Variants in FCHSD2 observed in about 807,000 individuals in gnomAD.
FCHSD2 encodes FCH and double SH3 domains 2, also known as F-BAR and double SH3 domains protein 2.
A neutral mutation model predicts 108.1 loss-of-function variants in FCHSD2; 38 were observed. That is an observed-to-expected ratio of 0.35 (90% CI 0.27 to 0.46). The LOEUF is 0.46. FCHSD2 is among the 20% of genes least tolerant of loss of function. The probability of loss-of-function intolerance (pLI) is 1.00; values close to 1 mark genes in which losing one functional copy is unlikely to be tolerated. For missense variants in FCHSD2, 751 were observed against 897.8 expected (o/e 0.84, Z 2.09); for synonymous variants, 279 against 314.7 (o/e 0.89, Z 1.20).
chr11:72,898,392 A>G (rs1855462532), intron 10 of FCHSD2, among the ~76,000 whole-genome samples: 1 of 152,248 alleles, frequency 6.6e-6, no homozygotes. Flanking sequence ...GCAAGGGCAT[A>G]TGCAAAGTAT....
chr11:73,087,719 AAT>A (rs1859856585), intron 2 of FCHSD2, among the ~76,000 whole-genome samples: 1 of 151,440 alleles, frequency 6.6e-6, no homozygotes, highest in Non-Finnish European at 1.5e-5. Context: ...AAAAAAAAAA[AAT>A]TTTTAAAATA....
intron 3 of FCHSD2, among the ~76,000 whole-genome samples, chr11:73,051,256 G>A (rs184374741): frequency 5.3e-5 from 8 of 152,192 alleles, no homozygotes; most frequent in East Asian, 1.9e-4. Context: ...TTGAGGCTAC[G>A]GTGAGCCAAG....
chr11:72,883,320 A>G (rs1161721305), intron 12 of FCHSD2, among the ~76,000 whole-genome samples: 1 of 152,218 alleles, frequency 6.6e-6, no homozygotes, highest in Non-Finnish European at 1.5e-5. Context: ...AAATTCATAA[A>G]TTAATCTCAT....
At chr11:72,960,235 T>C (rs1229477595) in intron 8 of FCHSD2, among the ~76,000 whole-genome samples, 1 of 152,134 alleles carries the variant, frequency 6.6e-6, no homozygotes, top group Non-Finnish European at 1.5e-5. Context: ...GCCAGTCTCA[T>C]GTGAACTCAC....
intron 11 of FCHSD2, among the ~76,000 whole-genome samples, chr11:72,888,131 G>T (rs188410484): frequency 3.3e-5 from 5 of 152,284 alleles, no homozygotes; most frequent in Non-Finnish European, 5.9e-5. Context: ...AGATAGCCAA[G>T]TATAGGAATC....
At chr11:73,123,128 A>T (rs995997875) in intron 2 of FCHSD2, among the ~76,000 whole-genome samples, 1 of 152,228 alleles carries the variant, frequency 6.6e-6, no homozygotes, top group Non-Finnish European at 1.5e-5. Context: ...AACACTTTAT[A>T]AACAAGCCAA....
intron 8 of FCHSD2, among the ~76,000 whole-genome samples, chr11:72,929,772 A>G (rs1856151569): frequency 6.6e-6 from 1 of 152,246 alleles, no homozygotes; most frequent in Non-Finnish European, 1.5e-5. Context: ...CAATTTTTAC[A>G]AACTCCCCAT....
intron 8 of FCHSD2, among the ~76,000 whole-genome samples, chr11:72,968,527 A>T (rs1856954486): frequency 6.6e-6 from 1 of 152,238 alleles, no homozygotes; most frequent in African/African-American, 2.4e-5. Flanking sequence ...TGGCACATGT[A>T]TCTTAATGGA....
At chr11:72,975,318 A>G (rs1221496456) in intron 8 of FCHSD2, among the ~76,000 whole-genome samples, 2 of 152,208 alleles carry the variant, frequency 1.3e-5, no homozygotes, top group Non-Finnish European at 2.9e-5. Context: ...ATATATATCC[A>G]GCAGTAGAGA....
At position 72,984,121 on chromosome 11, in the gene FCHSD2, G is replaced by A; in HGVS notation, c.672C>T (p.Arg224=). Reference sequence around the variant, plus strand: ...TGTTAACTAAATCTGTTTGATAGTAGCGATCCTGATGTGCATTTGCTGCCG... The same window carrying A: ...TGTTAACTAAATCTGTTTGATAGTAACGATCCTGATGTGCATTTGCTGCCG... The part of the protein sequence containing the change: ...TLAAANAHQD[R]YYQTDLVNIM... Residue 224 remains arginine (R), a synonymous_variant, in exon 8 of 20, where the codon CGC becomes CGT. Coordinates refer to ENST00000409418, the MANE Select transcript of FCHSD2 (RefSeq NM_014824.3). 3 of 1,613,370 alleles carry A rather than the reference G, an allele frequency of 1.9e-6. No homozygotes were observed. The highest frequency in any genetic ancestry group is 1.7e-6 in the Non-Finnish European group (2 of 1,179,404).
chr11:72,900,523 A>C (rs1437165178), intron 10 of FCHSD2, among the ~76,000 whole-genome samples: 1 of 152,310 alleles, frequency 6.6e-6, no homozygotes, highest in South Asian at 2.1e-4. Context: ...AGCAATGATA[A>C]AATAACATCA....
rs776618079 is a variant in FCHSD2, at chr11:72,843,233, G to A, written c.1623C>T (p.Ala541=). 13 of 1,613,882 alleles carry A rather than the reference G, an allele frequency of 8.1e-6. No homozygotes were observed. The highest frequency in any genetic ancestry group is 1.3e-5 in the African/African-American group (1 of 74,914). Residue 541 remains alanine, a synonymous_variant, in exon 16 of 20, where the codon GCC becomes GCT. Coordinates refer to ENST00000409418, the MANE Select transcript of FCHSD2 (RefSeq NM_014824.3). ...ACGTGTGTGACCGACTGTCCAAAGC[G>A]GCCAGGGACTGCAGCATGCTCAGGA... ...NSLLSMLQSL[A]ALDSRSHTSS...
chr11:73,058,496 A>G (rs1712006101), intron 3 of FCHSD2, among the ~76,000 whole-genome samples: 1 of 152,196 alleles, frequency 6.6e-6, no homozygotes, highest in Admixed American at 6.5e-5. Context: ...ACATAGTTAA[A>G]TTAGGGAAAG....
intron 13 of FCHSD2, among the ~76,000 whole-genome samples, chr11:72,850,168 T>G (rs376230330): frequency 1.3e-5 from 2 of 149,548 alleles, no homozygotes; most frequent in Non-Finnish European, 3.0e-5. Flanking sequence ...GGTTCAAGAA[T>G]TCTCGTGCCT....
chr11:72,924,612 G>C (rs1467304191), intron 8 of FCHSD2, among the ~76,000 whole-genome samples: 1 of 151,196 alleles, frequency 6.6e-6, no homozygotes, highest in African/African-American at 2.4e-5. Context: ...CTTCTGTGTT[G>C]GTACTATATC....
intron 3 of FCHSD2, among the ~76,000 whole-genome samples, chr11:73,019,721 G>C (rs1226528495): frequency 5.9e-5 from 9 of 152,048 alleles, no homozygotes; most frequent in African/African-American, 2.2e-4. Context: ...ACATACTCTG[G>C]GGCTATTACA....
chr11:73,128,243 T>C (rs1463617462), intron 2 of FCHSD2, among the ~76,000 whole-genome samples: 1 of 152,146 alleles, frequency 6.6e-6, no homozygotes, highest in African/African-American at 2.4e-5. Context: ...TTGGGACAAC[T>C]GGAGTTCCAG....
chr11:73,098,774 A>T (rs1395075275), intron 2 of FCHSD2, among the ~76,000 whole-genome samples: 1 of 152,238 alleles, frequency 6.6e-6, no homozygotes, highest in East Asian at 1.9e-4. Context: ...AAATGGCTCA[A>T]AGACCTAAAT....
chr11:72,957,247 T>C (rs539904169), intron 8 of FCHSD2, among the ~76,000 whole-genome samples: 16 of 136,658 alleles, frequency 1.2e-4, no homozygotes, highest in Non-Finnish European at 1.5e-4. Context: ...TGTGATCTCA[T>C]TGTTCAATTC....
Sources: gnomAD v4.1 joint callset for allele counts (sites outside exome capture counted in the v4.1 genomes callset) on GRCh38, gnomAD v4.1.1 for gene constraint, MANE v1.5 for transcripts, NCBI Gene and HGNC (gene_info 2026-07-23, HGNC 2026-07-21) for gene names.